The following GPC6 variants were observed in gnomAD, a reference collection of about 807,000 sequenced individuals.
GPC6 encodes glypican 6.
In GPC6, 14 loss-of-function variants were observed where a neutral mutation model predicts 55.2. That is an observed-to-expected ratio of 0.25 (90% CI 0.17 to 0.40). The LOEUF is 0.40. Ranked by LOEUF, GPC6 falls within the 10% of genes least tolerant of loss-of-function variation. The pLI, the probability that GPC6 is intolerant of heterozygous loss-of-function variation, is 1.00. For missense variants in GPC6, 641 were observed against 708.5 expected, an observed-to-expected ratio of 0.90 and a Z score of 1.08; for synonymous variants, 278 against 259.6, an observed-to-expected ratio of 1.07 and a Z score of -0.68.
intron 2 of GPC6, among the ~76,000 whole-genome samples, chr13:93,756,564 T>C (rs1884777474): frequency 2.0e-5 from 3 of 151,972 alleles, no homozygotes; most frequent in Admixed American, 6.6e-5. Flanking sequence ...GATACTGGGG[T>C]GTTATGTTTG....
rs1043863937 is a variant in GPC6 at position 93,892,298 on chromosome 13, A to G, written c.711+61753A>G. 2.8e-4 allele frequency among the ~76,000 whole-genome samples: 25 copies of G among 89,418 alleles called. 1 individual carries two copies. Among genetic ancestry groups the G allele is most frequent in the African/African-American group, 5.5e-4 (18 of 32,602 alleles). 58.7% of individuals were successfully genotyped at this position (89,418 alleles called of 152,430 possible). ...AAGCATTCCAAAAATATTTACAGTG[A>G]AAGTTCCTACCTAACGGGTAGCAAA... On this transcript the variant is annotated intron_variant, in intron 3 of 8. Transcript: ENST00000377047.
At chr13:93,432,397 A>T (rs1323659403) in intron 1 of GPC6, among the ~76,000 whole-genome samples, 3 of 152,128 alleles carry the variant, frequency 2.0e-5, no homozygotes, top group Non-Finnish European at 4.4e-5. Context: ...AGCTGTTAAG[A>T]GGAGGTGATA....
At chr13:93,553,224 C>T (rs1406680901) in intron 2 of GPC6, among the ~76,000 whole-genome samples, 1 of 151,154 alleles carries the variant, frequency 6.6e-6, no homozygotes, top group African/African-American at 2.4e-5. Flanking sequence ...TCTTCTTCCA[C>T]TGAGCCAGTG....
At chr13:93,590,909 C>T (rs573217526) in intron 2 of GPC6, among the ~76,000 whole-genome samples, 5 of 151,974 alleles carry the variant, frequency 3.3e-5, no homozygotes, top group African/African-American at 7.2e-5. Context: ...GTGGGTGCAG[C>T]GCACCAGCAT....
intron 4 of GPC6, among the ~76,000 whole-genome samples, chr13:94,137,909 T>A (rs1887243204): frequency 6.6e-6 from 1 of 152,194 alleles, no homozygotes; most frequent in Non-Finnish European, 1.5e-5. Flanking sequence ...AAATTGCATG[T>A]CTAATAAGTT....
At chr13:94,275,004 G>A (rs1321879430) in intron 4 of GPC6, among the ~76,000 whole-genome samples, 1 of 152,138 alleles carries the variant, frequency 6.6e-6, no homozygotes, top group Non-Finnish European at 1.5e-5. Context: ...CAGGAGAGTA[G>A]GGAGAGGGAG....
intron 2 of GPC6, among the ~76,000 whole-genome samples, chr13:93,635,764 G>A (rs1424170103): frequency 2.6e-5 from 4 of 152,176 alleles, no homozygotes; most frequent in African/African-American, 9.7e-5. Flanking sequence ...GGAAAGCACA[G>A]AACATATCTT....
At chr13:93,313,740 C>G (rs561434678) in intron 1 of GPC6, among the ~76,000 whole-genome samples, 1 of 152,100 alleles carries the variant, frequency 6.6e-6, no homozygotes, top group African/African-American at 2.4e-5. Context: ...GATCATAGTG[C>G]ACTATAGCCT....
chr13:94,208,185 G>A (rs980012836), intron 4 of GPC6, among the ~76,000 whole-genome samples: 11 of 152,272 alleles, frequency 7.2e-5, no homozygotes, highest in South Asian at 4.1e-4. Flanking sequence ...TCATTCTTGC[G>A]TATACAAATA....
At chr13:93,490,591 C>T (rs1879949471) in intron 1 of GPC6, among the ~76,000 whole-genome samples, 1 of 125,060 alleles carries the variant, frequency 8.0e-6, no homozygotes, top group South Asian at 3.0e-4. Flanking sequence ...CATATGTATA[C>T]ATGTGCCATG....
chr13:93,910,762 C>T (rs985679302), intron 3 of GPC6, among the ~76,000 whole-genome samples: 3 of 152,194 alleles, frequency 2.0e-5, no homozygotes, highest in African/African-American at 7.2e-5. Context: ...TCCAGTCAAC[C>T]ATTAAATACA....
intron 6 of GPC6, among the ~76,000 whole-genome samples, chr13:94,379,068 C>CA (rs1880036192): frequency 6.6e-6 from 1 of 151,342 alleles, no homozygotes; most frequent in South Asian, 2.1e-4. Flanking sequence ...ACCAAAAAAA[C>CA]AAAAAAACAA....
At chr13:94,239,765 T>G (rs1890996682) in intron 4 of GPC6, among the ~76,000 whole-genome samples, 1 of 152,172 alleles carries the variant, frequency 6.6e-6, no homozygotes, top group Admixed American at 6.5e-5. Flanking sequence ...TTAGGAATTC[T>G]ATACAATATC....
chr13:94,145,167 G>GGATA (rs1033072695), intron 4 of GPC6, among the ~76,000 whole-genome samples: 1 of 147,688 alleles, frequency 6.8e-6, no homozygotes, highest in Admixed American at 6.8e-5. Context: ...ATGGATGGAT[G>GGATA]GATGGACGGA....
chr13:94,152,027 G>T (rs978163206), intron 4 of GPC6, among the ~76,000 whole-genome samples: 1 of 152,038 alleles, frequency 6.6e-6, no homozygotes, highest in African/African-American at 2.4e-5. Context: ...CCATACTAGA[G>T]CAATCTACAG....
intron 3 of GPC6, among the ~76,000 whole-genome samples, chr13:93,983,885 C>T (rs1880913618): frequency 1.3e-5 from 2 of 150,818 alleles, no homozygotes; most frequent in African/African-American, 2.4e-5. Flanking sequence ...CTCATATGAA[C>T]TAGAACAAGT....
chr13:94,343,125 G>C lies in GPC6; in HGVS notation c.1152+37002G>C, dbSNP rs561549853. Among the ~76,000 whole-genome samples, 82 of 152,324 alleles carry C rather than the reference G, an allele frequency of 5.4e-4. 2 individuals are homozygous for C. In the South Asian group the frequency reaches 0.016, roughly 30 times the overall value. ...CATTTCCCCCATGTAGCAACGAGGT[G>C]TCTATCACTCCGGGATCATCCACTT... is the stretch of plus-strand genomic sequence containing the variant. On this transcript the variant is annotated intron_variant, in intron 6 of 8. Coordinates refer to ENST00000377047, the MANE Select transcript of GPC6 (RefSeq NM_005708.5).
At chr13:93,497,640 A>G (rs571251847) in intron 1 of GPC6, among the ~76,000 whole-genome samples, 1 of 152,240 alleles carries the variant, frequency 6.6e-6, no homozygotes, top group South Asian at 2.1e-4. Flanking sequence ...ATGTTGATAT[A>G]GTTTGAAGCT....
chr13:93,782,706 G>A (rs1341017828), intron 2 of GPC6, among the ~76,000 whole-genome samples: 1 of 151,962 alleles, frequency 6.6e-6, no homozygotes, highest in Non-Finnish European at 1.5e-5. Context: ...ACATATACCT[G>A]TTGACCATTT....
Sources: allele counts gnomAD v4.1 joint callset (sites outside exome capture counted in the v4.1 genomes callset), GRCh38; gene constraint gnomAD v4.1.1; transcripts MANE v1.5; gene names NCBI Gene and HGNC (gene_info 2026-07-23, HGNC 2026-07-21).